JSRP1: variants seen among roughly 807,000 people sequenced by gnomAD.
The protein encoded by JSRP1 is junctional sarcoplasmic reticulum protein 1.
Under a neutral mutation model 21.4 loss-of-function variants are expected in JSRP1, and 29 were observed. The observed-to-expected ratio is 1.36, with a 90% CI of 1.01 to 1.85. JSRP1 has a LOEUF of 1.85. JSRP1 is among the 40% of genes most tolerant of loss of function. The pLI is 0.00. For missense variants in JSRP1, 531 were observed against 461.5 expected, an observed-to-expected ratio of 1.15 and a Z score of -1.38; for synonymous variants, 221 against 206.1, an observed-to-expected ratio of 1.07 and a Z score of -0.62.
intron 5 of JSRP1, 101 bp downstream of exon 5, chr19:2,253,519 G>T: frequency 8.3e-7 from 1 of 1,202,350 alleles, no homozygotes; most frequent in Non-Finnish European, 1.1e-6. Flanking sequence ...CTGGAGAGGA[G>T]GCTCCCAGAC....
chr19:2,253,610 C>A lies in JSRP1; in HGVS notation c.436+10G>T. 6.8e-7 allele frequency: 1 copy of A among 1,461,492 alleles called. No individual in the cohort carries two copies. The highest frequency in any genetic ancestry group is 9.0e-7 in the Non-Finnish European group (1 of 1,113,906). The allele number at this position is 1,461,492 out of a possible 1,614,324, so 90.5% of individuals were successfully genotyped here. On this transcript the variant is annotated intron_variant, in intron 5 of 6. Transcript: ENST00000300961. The stretch of plus-strand genomic sequence containing the variant: ...CAGCCTCGCCCCACCTCTGGGGAGC[C>A]TGCGCTCACCGCGGCACAGCTGGAA...
intron 5 of JSRP1, 34 bp downstream of exon 5, chr19:2,253,586 A>G (rs1326988358): frequency 7.1e-7 from 1 of 1,416,268 alleles, no homozygotes; most frequent in African/African-American, 1.5e-5. Context: ...GGTGGACCCC[A>G]GCCTCGCCCC....
chr19:2,253,548 C>G, intron 5 of JSRP1, 72 bp downstream of exon 5: 1 of 1,340,754 alleles, frequency 7.5e-7, no homozygotes, highest in Non-Finnish European at 9.6e-7. Context: ...GGCGGCACAG[C>G]GCCTTTCCTT....
In JSRP1 at chr19:2,253,615, C is replaced by T; in HGVS notation, c.436+5G>A. 1 of 1,469,892 alleles carries T rather than the reference C, an allele frequency of 6.8e-7. No homozygotes were observed. The highest frequency in any genetic ancestry group is 2.5e-5 in the Admixed American group (1 of 40,270). 91.1% of individuals were successfully genotyped at this position (1,469,892 alleles called of 1,614,324 possible). A position where few individuals can be genotyped will look rare whatever the true frequency, so the allele number is the denominator to read the frequency against. ...TCGCCCCACCTCTGGGGAGCCTGCG[C>T]TCACCGCGGCACAGCTGGAAAGCCG... On this transcript the variant is annotated splice_donor_5th_base_variant and intron_variant, in intron 5 of 6. Coordinates refer to ENST00000300961, the MANE Select transcript of JSRP1 (RefSeq NM_144616.4).
chr19:2,254,194 G>A lies in JSRP1; in HGVS notation c.255C>T (p.Ala85=), dbSNP rs778304879. The change falls in exon 4 of 7, where the codon GCC becomes GCT. Residue 85 remains alanine (A), a synonymous_variant. Coordinates refer to ENST00000300961, the MANE Select transcript of JSRP1 (RefSeq NM_144616.4). ...TPGTGKERLK[A]GASPRSVPAR... ...TGCCTCCTGCAAACCCACTCGCTCC[G>A]GCTTTCAGCCTCTCCTTCCCCGTTC... 1.2e-5 allele frequency: 20 copies of A among 1,602,008 alleles called. No homozygotes were observed. Among genetic ancestry groups the A allele is most frequent in the African/African-American group, 2.7e-5 (2 of 74,440 alleles).
rs763792810 is a variant in JSRP1 at position 2,255,240 on chromosome 19, A to G, written c.75T>C (p.Ser25=). 3.1e-6 allele frequency: 5 copies of G among 1,611,530 alleles called. No individual in the cohort carries two copies. The African/African-American group carries it at 5.3e-5, about 17-fold the overall frequency. ...LGSCQALEDH[S]ALAETQEDRA... is the part of the protein sequence containing the mutation. ...TGTCCTCCTGGGTCTCGGCCAGCGCAGAGTGGTCCTCCAGGGCCTGGCAGC... is the reference window on the plus strand; with the variant it reads ...TGTCCTCCTGGGTCTCGGCCAGCGCGGAGTGGTCCTCCAGGGCCTGGCAGC... The change falls in exon 2 of 7, where the codon TCT becomes TCC. Residue 25 remains serine (S), a synonymous_variant. Transcript: ENST00000300961.
chr19:2,255,628 C>G (rs1485651003), intron 1 of JSRP1, among the ~76,000 whole-genome samples: 3 of 152,248 alleles, frequency 2.0e-5, no homozygotes, highest in African/African-American at 4.8e-5. Flanking sequence ...GGCGGGAGCC[C>G]CTGCAGGACA....
Position 2,252,351 on chromosome 19 carries a change from C to G in JSRP1, c.974G>C (p.Arg325Pro), listed in dbSNP as rs761697979. 8 of 1,535,322 alleles carry G rather than the reference C, an allele frequency of 5.2e-6. No homozygotes were observed. The highest frequency in any genetic ancestry group is 2.4e-5 in the East Asian group (1 of 41,912). The change falls in exon 7 of 7, where the codon CGC (arginine) becomes CCC (proline). Residue 325 changes from arginine to proline, a missense_variant. Arg to Pro is a moderately radical substitution (Grantham distance 103). Coordinates refer to ENST00000300961, the MANE Select transcript of JSRP1 (RefSeq NM_144616.4). ...EQRPGSRQKL[R>P]AGKGRD The stretch of plus-strand genomic sequence containing the variant: ...GGCTCAGTCCCGCCCCTTGCCTGCG[C>G]GGAGCTTCTGGCGACTCCCAGGCCG...
At position 2,255,283 on chromosome 19, in the gene JSRP1, A is replaced by G. The variant is rs748356986; in HGVS notation, c.32T>C (p.Leu11Pro). MSMTTRAWEELDGGLGSCQAL... is the reference protein window; with the variant it reads MSMTTRAWEEPDGGLGSCQAL... ...CTGGCAGCTGCCCAGGCCGCCATCC[A>G]GCTCCTCCCAGGCTCTGGTTGTCAT... The change falls in exon 2 of 7, where the codon CTG (leucine) becomes CCG (proline). Residue 11 changes from leucine (L) to proline (P), a missense_variant. Transcript: ENST00000300961. 6.2e-7 allele frequency: 1 copy of G among 1,611,186 alleles called. No individual in the cohort carries two copies. Among genetic ancestry groups the G allele is most frequent in the South Asian group, 1.1e-5 (1 of 90,908 alleles).
chr19:2,253,937 C>G, intron 4 of JSRP1, 144 bp from the exon 5 acceptor site: 1 of 967,076 alleles, frequency 1.0e-6, no homozygotes, highest in Non-Finnish European at 1.4e-6. Context: ...GTGAACCCAG[C>G]CCCGGGTGCC....
intron 6 of JSRP1, 26 bp from the exon 7 acceptor site, chr19:2,252,822 G>T (rs2025080820): frequency 1.2e-6 from 2 of 1,601,296 alleles, no homozygotes. Flanking sequence ...GGGTCCTGGG[G>T]TAAGCGCCCA....
chr19:2,255,770 C>T (rs893434937), intron 1 of JSRP1, among the ~76,000 whole-genome samples: 1 of 152,212 alleles, frequency 6.6e-6, no homozygotes, highest in Non-Finnish European at 1.5e-5. Flanking sequence ...GGTGCCCCAG[C>T]CCCTCCCAGG....
At position 2,252,253 on chromosome 19, in the gene JSRP1, G is replaced by A. The variant is rs1381098539; in HGVS notation, c.*76C>T. The A allele has an allele frequency of 2.0e-5, 27 of 1,317,844 alleles. No homozygotes were observed. Among genetic ancestry groups the A allele is most frequent in the Non-Finnish European group, 2.7e-5 (27 of 993,306 alleles). The allele number at this position is 1,317,844 out of a possible 1,614,324, so 81.6% of individuals were successfully genotyped here. A position where few individuals can be genotyped will look rare whatever the true frequency, so the allele number is the denominator to read the frequency against. On this transcript the variant is annotated 3_prime_UTR_variant, in exon 7 of 7. Transcript: ENST00000300961. ...GCGTAAAGGAGCAGGTGACTCTGCG[G>A]CCGCAGCACTCGCTTTATTTCGCCA...
rs2025099289 is a variant in JSRP1, at chr19:2,253,631, T to C, written c.425A>G (p.Gln142Arg). ...SLVALLGSAF[Q>R]LCRDAVPGEA... is the part of the protein sequence containing the mutation. ...GAGCCTGCGCTCACCGCGGCACAGC[T>C]GGAAAGCCGAGCCCAGCAGCGCCAC... The change falls in exon 5 of 7, where the codon CAG becomes CGG. Residue 142 changes from glutamine (Q) to arginine (R), a missense_variant. Gln to Arg is a conservative substitution (Grantham distance 43, BLOSUM62 1). Coordinates refer to ENST00000300961, the MANE Select transcript of JSRP1 (RefSeq NM_144616.4). The C allele has an allele frequency of 6.7e-7, 1 of 1,497,360 alleles. No homozygotes were observed. The highest frequency in any genetic ancestry group is 2.2e-5 in the Admixed American group (1 of 45,726). The allele number at this position is 1,497,360 out of a possible 1,614,324, so 92.8% of individuals were successfully genotyped here. A position where few individuals can be genotyped will look rare whatever the true frequency, so the allele number is the denominator to read the frequency against.
Position 2,252,572 on chromosome 19 carries a change from C to T in JSRP1, c.753G>A (p.Arg251=). The T allele has an allele frequency of 1.2e-6, 2 of 1,612,590 alleles. No individual in the cohort carries two copies. Among genetic ancestry groups the T allele is most frequent in the East Asian group, 4.5e-5 (2 of 44,834 alleles). Residue 251 remains arginine, a synonymous_variant, in exon 7 of 7, where the codon CGG becomes CGA. Transcript: ENST00000300961. ...TCTCTTTCTTAGGTCTCTCCTCCTT[C>T]CGCGGCTTCTCCTTCCGCGGCTTCC... ...REGKPRKEKP[R]KEERPKKERP...
chr19:2,255,742 C>T (rs2025137444), intron 1 of JSRP1, among the ~76,000 whole-genome samples: 1 of 152,178 alleles, frequency 6.6e-6, no homozygotes, highest in South Asian at 2.1e-4. Flanking sequence ...TGCCTGAGGC[C>T]AGCGGGACAG....
At chr19:2,253,367 A>T (rs946616289) in intron 5 of JSRP1, among the ~76,000 whole-genome samples, 1 of 152,166 alleles carries the variant, frequency 6.6e-6, no homozygotes, top group Non-Finnish European at 1.5e-5. Flanking sequence ...GGGTTGCACA[A>T]GGTTCATCCG....
chr19:2,254,229 C>A lies in JSRP1; in HGVS notation c.220G>T (p.Gly74Trp). The change falls in exon 4 of 7, where the codon GGG becomes TGG. Residue 74 changes from glycine (G) to tryptophan (W), a missense_variant. Transcript: ENST00000300961. ...CTCTCCTTCCCCGTTCCTGGGGTCCCCCTGGCGGCAGGCTCTTTTTCCATC... is the reference window on the plus strand; with the variant it reads ...CTCTCCTTCCCCGTTCCTGGGGTCCACCTGGCGGCAGGCTCTTTTTCCATC... ...KKMEKEPAAR[G>W]TPGTGKERLK... The A allele has an allele frequency of 1.9e-6, 3 of 1,606,520 alleles. No homozygotes were observed. Among genetic ancestry groups the A allele is most frequent in the Non-Finnish European group, 2.5e-6 (3 of 1,176,690 alleles).
At chr19:2,254,152 AC>A in intron 4 of JSRP1, 34 bp downstream of exon 4, 1 of 1,494,360 alleles carries the variant, frequency 6.7e-7, no homozygotes, top group Non-Finnish European at 9.1e-7. Context: ...GTCCGTTCCC[AC>A]CCCACACCTC....
Sources: gnomAD v4.1 joint callset for allele counts (sites outside exome capture counted in the v4.1 genomes callset) on GRCh38, gnomAD v4.1.1 for gene constraint, MANE v1.5 for transcripts, NCBI Gene and HGNC (gene_info 2026-07-23, HGNC 2026-07-21) for gene names.